Variants in GALNT10 observed in about 807,000 individuals in gnomAD.
GALNT10 encodes GalNAc transferase 10.
A neutral mutation model predicts 75.0 loss-of-function variants in GALNT10; 41 were observed. The observed-to-expected ratio is 0.55, with a 90% CI of 0.43 to 0.71. GALNT10 has a LOEUF of 0.71. GALNT10 is among the 30% of genes least tolerant of loss of function. The pLI, the probability that GALNT10 is intolerant of heterozygous loss-of-function variation, is 0.00. For missense variants in GALNT10, 727 were observed against 818.5 expected (o/e 0.89, Z 1.36); for synonymous variants, 302 against 313.0 (o/e 0.96, Z 0.37).
At chr5:154,230,065 T>A (rs1753125313) in intron 1 of GALNT10, among the ~76,000 whole-genome samples, 2 of 152,336 alleles carry the variant, frequency 1.3e-5, no homozygotes, top group South Asian at 4.1e-4. Context: ...TTCCCATTAC[T>A]GGAATTTCCA....
intron 1 of GALNT10, among the ~76,000 whole-genome samples, chr5:154,247,629 A>G (rs1279597577): frequency 6.6e-6 from 1 of 152,210 alleles, no homozygotes; most frequent in African/African-American, 2.4e-5. Context: ...ATTGGTGTAT[A>G]TAAGAATGCT....
At position 154,296,686 on chromosome 5, in the gene GALNT10, G is replaced by T. The variant is rs115492034; in HGVS notation, c.263-1255G>T. Among the ~76,000 whole-genome samples the T allele has an allele frequency of 9.4e-3, 1,435 of 152,266 alleles. 26 individuals are homozygous for T. The highest frequency in any genetic ancestry group is 0.032 in the African/African-American group (1,348 of 41,546). The stretch of plus-strand genomic sequence containing the variant: ...GCATGTCCAAGATGACATAGCTGGG[G>T]ATGGTAGGGCTGGCCTTGGAACTCC... On this transcript the variant is annotated intron_variant, in intron 2 of 11. Transcript: ENST00000297107.
At chr5:154,217,899 G>T (rs900310042) in intron 1 of GALNT10, 9 of 548,126 alleles carry the variant, frequency 1.6e-5, no homozygotes, top group Non-Finnish European at 1.9e-5. Flanking sequence ...TGTTTGGAGA[G>T]ACTGTTGTAC....
At chr5:154,201,291 C>G (rs1775024649) in intron 1 of GALNT10, among the ~76,000 whole-genome samples, 1 of 152,084 alleles carries the variant, frequency 6.6e-6, no homozygotes, top group Admixed American at 6.5e-5. Flanking sequence ...TTACGGTCCC[C>G]ACTTCACAGA....
At chr5:154,264,681 G>T (rs142177209) in intron 1 of GALNT10, among the ~76,000 whole-genome samples, 1 of 152,180 alleles carries the variant, frequency 6.6e-6, no homozygotes, top group Admixed American at 6.5e-5. Flanking sequence ...AGACAATGAG[G>T]TGGAATTTTT....
At chr5:154,388,705 GCCTCTTCT>G (rs1755844572) in intron 7 of GALNT10, 1 of 134,500 alleles carries the variant, frequency 7.4e-6, no homozygotes, top group Non-Finnish European at 1.6e-5. Flanking sequence ...TTTTTTTTTT[GCCTCTTCT>G]GGTATTATTC....
intron 1 of GALNT10, among the ~76,000 whole-genome samples, chr5:154,271,812 G>A (rs1030371331): frequency 6.6e-6 from 1 of 152,188 alleles, no homozygotes; most frequent in African/African-American, 2.4e-5. Flanking sequence ...CCAATAGAGT[G>A]TTTCTTAGAA....
chr5:154,417,333 T>C lies in GALNT10; in HGVS notation c.*361T>C. 5.4e-6 allele frequency: 1 copy of C among 184,254 alleles called. No individual in the cohort carries two copies. Among genetic ancestry groups the C allele is most frequent in the Non-Finnish European group, 1.1e-5 (1 of 88,950 alleles). The allele number at this position is 184,254 out of a possible 1,614,324, so 11.4% of individuals were successfully genotyped here. A position where few individuals can be genotyped will look rare whatever the true frequency, so the allele number is the denominator to read the frequency against. The stretch of plus-strand genomic sequence containing the variant: ...CCACCCAAAAGTGAGTCCTGCGAGG[T>C]TGCCCAGCCCTCAGATGGCTCTCCT... On this transcript the variant is annotated 3_prime_UTR_variant, in exon 12 of 12. Coordinates refer to ENST00000297107, the MANE Select transcript of GALNT10 (RefSeq NM_198321.4).
chr5:154,201,449 T>C (rs1775027454), intron 1 of GALNT10, among the ~76,000 whole-genome samples: 1 of 152,192 alleles, frequency 6.6e-6, no homozygotes, highest in Admixed American at 6.5e-5. Flanking sequence ...AACCTTAGGC[T>C]CTGACAGACT....
intron 1 of GALNT10, among the ~76,000 whole-genome samples, chr5:154,192,511 G>GGA (rs1774873347): frequency 6.6e-6 from 1 of 152,200 alleles, no homozygotes; most frequent in Admixed American, 6.5e-5. Context: ...TCTGACCTCA[G>GGA]CTCTACCACT....
chr5:154,268,212 C>A (rs573127124), intron 1 of GALNT10, among the ~76,000 whole-genome samples: 75 of 152,248 alleles, frequency 4.9e-4, no homozygotes, highest in African/African-American at 1.7e-3. Flanking sequence ...AGTCCCTACC[C>A]GTGAAGAGTT....
chr5:154,414,009 A>T (rs11167676), intron 10 of GALNT10, among the ~76,000 whole-genome samples: 1 of 152,008 alleles, frequency 6.6e-6, no homozygotes, highest in Non-Finnish European at 1.5e-5. Context: ...ACCAAAAAAA[A>T]TATATGAATG....
chr5:154,393,064 A>AAAAAAAC (rs1554101641), intron 7 of GALNT10: 4 of 114,654 alleles, frequency 3.5e-5, no homozygotes, highest in African/African-American at 1.1e-4. Context: ...CCACAAAAAA[A>AAAAAAAC]AAAAAAAAAA....
intron 1 of GALNT10, among the ~76,000 whole-genome samples, chr5:154,249,006 T>TAGCTTTGC (rs1753474932): frequency 6.6e-6 from 1 of 152,270 alleles, no homozygotes; most frequent in Middle Eastern, 3.2e-3. Flanking sequence ...GAGCTCTCAG[T>TAGCTTTGC]AGCTTTGCAG....
chr5:154,380,682 C>A, intron 6 of GALNT10, 51 bp downstream of exon 6: 1 of 1,248,582 alleles, frequency 8.0e-7, no homozygotes, highest in Admixed American at 1.9e-5. Context: ...GTGACCACTC[C>A]CAACACGCAC....
chr5:154,316,127 C>T (rs1184146604), intron 3 of GALNT10, among the ~76,000 whole-genome samples: 2 of 152,226 alleles, frequency 1.3e-5, no homozygotes, highest in African/African-American at 4.8e-5. Context: ...ATTGAATCTT[C>T]TTGAAGATCC....
At chr5:154,217,595 G>A (rs1020848010) in intron 1 of GALNT10, among the ~76,000 whole-genome samples, 1 of 152,202 alleles carries the variant, frequency 6.6e-6, no homozygotes, top group Non-Finnish European at 1.5e-5. Flanking sequence ...CCTCCCAGAT[G>A]AATTAAAATC....
intron 4 of GALNT10, among the ~76,000 whole-genome samples, chr5:154,355,663 CA>C (rs1251715655): frequency 6.7e-6 from 1 of 149,760 alleles, no homozygotes; most frequent in East Asian, 1.9e-4. Context: ...GAATCTCTGA[CA>C]CCAGTATTAC....
At chr5:154,202,822 G>A (rs941870718) in intron 1 of GALNT10, among the ~76,000 whole-genome samples, 24 of 152,190 alleles carry the variant, frequency 1.6e-4, no homozygotes, top group Non-Finnish European at 3.5e-4. Context: ...CTAGGGTGGG[G>A]CCTCTCTGCT....
Sources: gnomAD v4.1 joint callset for allele counts (sites outside exome capture counted in the v4.1 genomes callset) on GRCh38, gnomAD v4.1.1 for gene constraint, MANE v1.5 for transcripts, NCBI Gene and HGNC (gene_info 2026-07-23, HGNC 2026-07-21) for gene names.